The following C13orf42 variants were observed in gnomAD, a reference collection of about 807,000 sequenced individuals.
C13orf42 encodes uncharacterized protein C13orf42.
intron 1 of C13orf42, among the ~76,000 whole-genome samples, chr13:51,166,857 T>C (rs1457831336): frequency 1.3e-5 from 2 of 152,240 alleles, no homozygotes; most frequent in East Asian, 1.9e-4. Flanking sequence ...GGCGGGCGCA[T>C]TGCCTGAGGT....
At chr13:51,146,460 AAAGTT>A (rs1434725603) in intron 1 of C13orf42, among the ~76,000 whole-genome samples, 3 of 152,242 alleles carry the variant, frequency 2.0e-5, no homozygotes, top group African/African-American at 7.2e-5. Flanking sequence ...TTATTTTGCC[AAAGTT>A]AAGGACGCAC....
At chr13:51,111,950 T>C (rs568401464), upstream of C13orf42, among the ~76,000 whole-genome samples, 222 of 152,314 alleles carry the variant, frequency 1.5e-3, 2 homozygotes, top group Non-Finnish European at 2.3e-3. Flanking sequence ...GATTCAGATA[T>C]CCGGACCACG....
At chr13:51,092,784 T>A (rs1233722218) in intron 1 of C13orf42, among the ~76,000 whole-genome samples, 1 of 152,086 alleles carries the variant, frequency 6.6e-6, no homozygotes, top group African/African-American at 2.4e-5. Context: ...TACATAGGCA[T>A]ATCCTAGTTT....
intron 1 of C13orf42, among the ~76,000 whole-genome samples, chr13:51,169,420 A>G (rs551473453): frequency 2.2e-4 from 32 of 144,774 alleles, no homozygotes; most frequent in Non-Finnish European, 2.7e-4. Flanking sequence ...TGTGGTAGAA[A>G]AGAAAAACCC....
chr13:51,159,477 T>C (rs889672360), intron 1 of C13orf42, among the ~76,000 whole-genome samples: 1 of 152,214 alleles, frequency 6.6e-6, no homozygotes, highest in Non-Finnish European at 1.5e-5. Context: ...GACAGGCTTT[T>C]CCATTTCAGG....
At chr13:51,133,091 C>CA (rs755271804) in intron 1 of C13orf42, among the ~76,000 whole-genome samples, 9 of 152,200 alleles carry the variant, frequency 5.9e-5, no homozygotes, top group Admixed American at 5.2e-4. Context: ...AATGGGCAAC[C>CA]AGCAGCTTTC....
At chr13:51,150,848 T>C (rs893734419) in intron 1 of C13orf42, among the ~76,000 whole-genome samples, 1 of 152,210 alleles carries the variant, frequency 6.6e-6, no homozygotes, top group Non-Finnish European at 1.5e-5. Context: ...TGCCTGTGTA[T>C]GGATGACTAG....
chr13:51,085,129 C>G (rs151067699), intron 3 of C13orf42, among the ~76,000 whole-genome samples, 190 bp downstream of exon 3: 94 of 151,018 alleles, frequency 6.2e-4, no homozygotes, highest in African/African-American at 2.2e-3. Flanking sequence ...GGCTAGAGTG[C>G]AGACTACCAA....
At chr13:51,140,651 ACTC>A (rs1176324755) in intron 1 of C13orf42, among the ~76,000 whole-genome samples, 2 of 151,914 alleles carry the variant, frequency 1.3e-5, no homozygotes, top group African/African-American at 2.4e-5. Flanking sequence ...TTGCTGTAAA[ACTC>A]CTCATTATTA....
intron 1 of C13orf42, among the ~76,000 whole-genome samples, chr13:51,106,659 A>G (rs1953359356): frequency 6.6e-6 from 1 of 152,130 alleles, no homozygotes; most frequent in Non-Finnish European, 1.5e-5. Context: ...ATTGCATGGG[A>G]GCAGGGGAAG....
Position 51,084,060 on chromosome 13 carries a change from T to TTTCAA in C13orf42, c.*90_*91insTTGAA. 2 of 397,418 alleles carry TTTCAA rather than the reference T, an allele frequency of 5.0e-6. No individual in the cohort carries two copies. The highest frequency in any genetic ancestry group is 8.8e-5 in the Admixed American group (2 of 22,712). 24.6% of individuals were successfully genotyped at this position (397,418 alleles called of 1,614,324 possible). ...TGGGTTGACTGTGTTACAATTGGCA[T>TTTCAA]TTTCAACTCTACCAAATACCTCATG... On this transcript the variant is annotated 3_prime_UTR_variant, in exon 4 of 4. Transcript: ENST00000563710.
chr13:51,095,888 C>T (rs1953230105), intron 1 of C13orf42, among the ~76,000 whole-genome samples: 2 of 152,088 alleles, frequency 1.3e-5, no homozygotes, highest in South Asian at 4.1e-4. Context: ...CTTGGTACTG[C>T]ATTGTTCTTT....
chr13:51,149,683 A>G (rs1441165806), intron 1 of C13orf42, among the ~76,000 whole-genome samples: 1 of 152,210 alleles, frequency 6.6e-6, no homozygotes, highest in African/African-American at 2.4e-5. Flanking sequence ...ACTATGAGCC[A>G]AAGGCAATTA....
chr13:51,133,167 A>C (rs1346532744), intron 1 of C13orf42, among the ~76,000 whole-genome samples: 1 of 152,136 alleles, frequency 6.6e-6, no homozygotes, highest in Admixed American at 6.5e-5. Context: ...ACTTACTTTC[A>C]CTTTACTATA....
Position 51,084,165 on chromosome 13 carries a change from G to A in C13orf42, c.964C>T (p.Arg322Trp), listed in dbSNP as rs1346196141. 10 of 398,540 alleles carry A rather than the reference G, an allele frequency of 2.5e-5. No individual in the cohort carries two copies. The highest frequency in any genetic ancestry group is 1.3e-4 in the South Asian group (1 of 7,868). The allele number at this position is 398,540 out of a possible 1,614,324, so 24.7% of individuals were successfully genotyped here. The change falls in exon 4 of 4, where the codon CGG (arginine) becomes TGG (tryptophan). Residue 322 changes from arginine (R) to tryptophan (W), a missense_variant. Transcript: ENST00000563710. ...TCCAGATGGAGTCAGGGCACCGTCC[G>A]CTCCCAAAGTCTTTCTCGAAGCAGC... is the stretch of plus-strand genomic sequence containing the variant. The part of the protein sequence containing the change: ...QWLLRERLWE[R>W]TVP
chr13:51,138,602 G>A (rs1255431015), intron 1 of C13orf42, among the ~76,000 whole-genome samples: 1 of 152,184 alleles, frequency 6.6e-6, no homozygotes, highest in Non-Finnish European at 1.5e-5. Context: ...TGTTGGCAAG[G>A]TTGTGGAGAA....
At chr13:51,136,604 G>A (rs2138026393) in intron 1 of C13orf42, among the ~76,000 whole-genome samples, 1 of 152,272 alleles carries the variant, frequency 6.6e-6, no homozygotes, top group South Asian at 2.1e-4. Flanking sequence ...CGGGGTGTGG[G>A]ACAAACTCCC....
intron 1 of C13orf42, among the ~76,000 whole-genome samples, chr13:51,095,037 C>T (rs1350309534): frequency 6.6e-6 from 1 of 152,112 alleles, no homozygotes; most frequent in African/African-American, 2.4e-5. Context: ...CTTTGTTTCT[C>T]CTTTGCCTTC....
At chr13:51,093,690 A>T (rs1042651924) in intron 1 of C13orf42, among the ~76,000 whole-genome samples, 1 of 152,172 alleles carries the variant, frequency 6.6e-6, no homozygotes, top group Non-Finnish European at 1.5e-5. Flanking sequence ...GGCTTGATCC[A>T]TCTACTAGAA....
Sources: gnomAD v4.1 joint callset for allele counts (sites outside exome capture counted in the v4.1 genomes callset) on GRCh38, gnomAD v4.1.1 for gene constraint, MANE v1.5 for transcripts, NCBI Gene and HGNC (gene_info 2026-07-23, HGNC 2026-07-21) for gene names.